The following CEP85L variants were observed in gnomAD, a reference collection of about 807,000 sequenced individuals.
CEP85L encodes centrosomal protein 85L.
CEP85L carries 60 observed loss-of-function variants against 100.3 expected under a neutral mutation model. The observed-to-expected ratio is 0.60, with a 90% CI of 0.49 to 0.74. CEP85L has a LOEUF of 0.74. Ranked by LOEUF, CEP85L falls within the 30% of genes least tolerant of loss-of-function variation. The pLI is 0.00. For missense variants in CEP85L, 973 were observed against 936.2 expected (o/e 1.04, Z -0.51); for synonymous variants, 319 against 322.7 (o/e 0.99, Z 0.12).
intron 2 of CEP85L, among the ~76,000 whole-genome samples, chr6:118,605,415 C>T (rs1300361974): frequency 6.6e-6 from 1 of 152,112 alleles, no homozygotes; most frequent in Non-Finnish European, 1.5e-5. Context: ...GAGTCAAGTG[C>T]CCCTCCCTAA....
chr6:118,532,062 A>G (rs1051310435), intron 3 of CEP85L, among the ~76,000 whole-genome samples: 1 of 152,184 alleles, frequency 6.6e-6, no homozygotes. Context: ...TGTTCATCGC[A>G]GCACTATTCA....
At chr6:118,490,543 A>T (rs1774486751) in intron 6 of CEP85L, among the ~76,000 whole-genome samples, 2 of 152,154 alleles carry the variant, frequency 1.3e-5, no homozygotes, top group South Asian at 4.1e-4. Flanking sequence ...GTTTCTTGTA[A>T]GTTAAATATC....
intron 1 of CEP85L, chr6:118,709,944 C>T (rs1777733409): frequency 6.6e-6 from 1 of 151,924 alleles, no homozygotes; most frequent in South Asian, 2.1e-4. Flanking sequence ...GCAAATGACT[C>T]ACAGTGAATA....
chr6:118,498,417 T>C (rs1013100243), intron 5 of CEP85L, among the ~76,000 whole-genome samples: 3 of 151,788 alleles, frequency 2.0e-5, no homozygotes, highest in African/African-American at 7.3e-5. Flanking sequence ...TCAAAATACA[T>C]CAAACAAAAA....
intron 1 of CEP85L, among the ~76,000 whole-genome samples, chr6:118,663,675 C>T (rs1008369463): frequency 1.3e-5 from 2 of 152,068 alleles, no homozygotes; most frequent in African/African-American, 4.8e-5. Context: ...AAATGGAAAA[C>T]TACAGTTGTC....
chr6:118,570,407 T>C (rs1322333435), intron 2 of CEP85L, among the ~76,000 whole-genome samples: 1 of 152,178 alleles, frequency 6.6e-6, no homozygotes, highest in Non-Finnish European at 1.5e-5. Context: ...CTGCTTCTTG[T>C]ATCCAGTAAT....
rs1583003992 is a variant in CEP85L, at chr6:118,538,139, G to A, written c.1021-14219C>T. On this transcript the variant is annotated intron_variant, in intron 3 of 12. Transcript: ENST00000368491. ...AATTATTTATGGAGTGCATTATTAC[G>A]TATTTCTCTAACAACAACAAAAAAA... is the stretch of plus-strand genomic sequence containing the variant. 4.9e-5 allele frequency: 9 copies of A among 182,600 alleles called. No individual in the cohort carries two copies. In the South Asian group the frequency reaches 1.5e-3, roughly 30 times the overall value. The allele number at this position is 182,600 out of a possible 1,614,324, so 11.3% of individuals were successfully genotyped here.
chr6:118,699,123 T>C (rs1468625955), intron 1 of CEP85L, among the ~76,000 whole-genome samples: 1 of 152,040 alleles, frequency 6.6e-6, no homozygotes, highest in Non-Finnish European at 1.5e-5. Flanking sequence ...TAAGTGCTTA[T>C]AAAATCATTG....
intron 5 of CEP85L, chr6:118,501,729 T>C (rs2114666572): frequency 2.6e-6 from 2 of 772,168 alleles, no homozygotes; most frequent in Middle Eastern, 7.5e-4. Context: ...ACCACAGACT[T>C]CATGGCTAAC....
At chr6:118,523,198 TA>T (rs1458439374) in intron 4 of CEP85L, among the ~76,000 whole-genome samples, 1 of 152,166 alleles carries the variant, frequency 6.6e-6, no homozygotes, top group African/African-American at 2.4e-5. Flanking sequence ...ATGTAGAATA[TA>T]CGTTAAAGAA....
chr6:118,593,479 GGA>G (rs1276449272), intron 2 of CEP85L, among the ~76,000 whole-genome samples: 1 of 151,890 alleles, frequency 6.6e-6, no homozygotes. Flanking sequence ...AAGAGAGAGA[GGA>G]GAGAGGTGCT....
chr6:118,495,363 G>A lies in CEP85L; in HGVS notation c.1258-3498C>T, dbSNP rs112217216. On this transcript the variant is annotated intron_variant, in intron 5 of 12. Transcript: ENST00000368491. Reference sequence around the variant, plus strand: ...AGTTCCAATAATCCCTATATGTTGAGGGACTCAGTGGGAGGTAATTGAATC... The same window carrying A: ...AGTTCCAATAATCCCTATATGTTGAAGGACTCAGTGGGAGGTAATTGAATC... 2.5e-3 allele frequency among the ~76,000 whole-genome samples: 387 copies of A among 152,198 alleles called. 1 individual carries two copies. Among genetic ancestry groups the A allele is most frequent in the African/African-American group, 9.0e-3 (374 of 41,544 alleles).
chr6:118,603,111 C>T (rs1341136760), intron 2 of CEP85L, among the ~76,000 whole-genome samples: 2 of 152,126 alleles, frequency 1.3e-5, no homozygotes, highest in South Asian at 2.1e-4. Context: ...TGAGCCACCA[C>T]GCCAGGCCCC....
intron 2 of CEP85L, among the ~76,000 whole-genome samples, chr6:118,570,844 A>T (rs1779844804): frequency 6.6e-6 from 1 of 152,178 alleles, no homozygotes; most frequent in Admixed American, 6.5e-5. Context: ...AAATCTGATT[A>T]ACTGTGACAT....
chr6:118,462,812 T>C lies in CEP85L; in HGVS notation c.*2593A>G, dbSNP rs910100871. 1.3e-5 allele frequency: 2 copies of C among 151,916 alleles called. No homozygotes were observed. Among genetic ancestry groups the C allele is most frequent in the African/African-American group, 2.4e-5 (1 of 41,414 alleles). The allele number at this position is 151,916 out of a possible 1,614,324, so 9.4% of individuals were successfully genotyped here. A position where few individuals can be genotyped will look rare whatever the true frequency, so the allele number is the denominator to read the frequency against. On this transcript the variant is annotated 3_prime_UTR_variant, in exon 13 of 13. Transcript: ENST00000368491. ...GATATTCTAATACAAGAGGGTGTCC[T>C]GGGAAAGGAAAATTTTCTGAAAAAT...
intron 10 of CEP85L, 119 bp downstream of exon 10, chr6:118,479,740 AACTTTACCTCAG>A: frequency 2.2e-6 from 1 of 447,764 alleles, no homozygotes; most frequent in Non-Finnish European, 4.0e-6. Context: ...AAGAATTTGC[AACTTTACCTCAG>A]TGCTATAAAT....
At chr6:118,523,728 G>A (rs1776794526) in intron 4 of CEP85L, 74 bp downstream of exon 4, 1 of 676,788 alleles carries the variant, frequency 1.5e-6, no homozygotes, top group South Asian at 1.9e-5. Context: ...CTATGTAGTG[G>A]ACATAAAGTT....
rs190793606 is a variant in CEP85L, at chr6:118,589,250, C to G, written c.233-22934G>C. 1.8e-5 allele frequency: 4 copies of G among 225,538 alleles called. No homozygotes were observed. In the East Asian group the frequency reaches 4.6e-4, roughly 26 times the overall value. 14.0% of individuals were successfully genotyped at this position (225,538 alleles called of 1,614,324 possible). ...GAGAAACTATGAGACCATGACTAAA[C>G]TAGGTCTCTAGGCCACCCTCCCAAC... On this transcript the variant is annotated intron_variant, in intron 2 of 12. Coordinates refer to ENST00000368491, the MANE Select transcript of CEP85L (RefSeq NM_001042475.3).
chr6:118,478,989 A>T (rs568785012), intron 10 of CEP85L, among the ~76,000 whole-genome samples: 1 of 152,240 alleles, frequency 6.6e-6, no homozygotes, highest in South Asian at 2.1e-4. Flanking sequence ...CTTGTATTAG[A>T]TTTACTTCTT....
Sources: gnomAD v4.1 joint callset for allele counts (sites outside exome capture counted in the v4.1 genomes callset) on GRCh38, gnomAD v4.1.1 for gene constraint, MANE v1.5 for transcripts, NCBI Gene and HGNC (gene_info 2026-07-23, HGNC 2026-07-21) for gene names.